The following KLF8 variants were observed in gnomAD, a reference collection of about 807,000 sequenced individuals.
KLF8 encodes the protein Krueppel-like factor 8.
A neutral mutation model predicts 18.2 loss-of-function variants in KLF8; 10 were observed. That is an observed-to-expected ratio of 0.55 (90% confidence interval 0.34 to 0.93). The LOEUF is 0.93. Ranked by LOEUF, KLF8 falls within the 40% of genes least tolerant of loss-of-function variation. The probability of loss-of-function intolerance (pLI) is 0.02; values close to 1 mark genes in which losing one functional copy is unlikely to be tolerated. For synonymous variants in KLF8, 109 were observed against 97.3 expected (o/e 1.12, Z -0.71); for missense variants, 264 against 277.9 (o/e 0.95, Z 0.36).
chrX:56,053,039 G>C, the KLF8 span, among the ~76,000 whole-genome samples: 31 of 111,710 alleles, frequency 2.8e-4, no homozygotes, highest in African/African-American at 8.5e-4. Context: ...TCCAGGTGCC[G>C]TCTGTCACCC....
At chrX:56,152,422 TA>T in the KLF8 span, among the ~76,000 whole-genome samples, 1 of 111,326 alleles carries the variant, frequency 9.0e-6, no homozygotes, top group African/African-American at 3.3e-5. Context: ...AAGGTGGTTT[TA>T]CCAGAAGATA....
the KLF8 span, among the ~76,000 whole-genome samples, chrX:56,212,531 T>TA: frequency 8.9e-6 from 1 of 112,025 alleles, no homozygotes; most frequent in Non-Finnish European, 1.9e-5. Context: ...AGGGCTGGTT[T>TA]AAATGCTCCT....
chrX:56,163,109 C>T, the KLF8 span, among the ~76,000 whole-genome samples: 1 of 111,895 alleles, frequency 8.9e-6, no homozygotes, highest in African/African-American at 3.3e-5. Context: ...GGTATGTGCC[C>T]AGTAATGGGA....
the KLF8 span, among the ~76,000 whole-genome samples, chrX:56,121,009 A>AC: frequency 9.1e-6 from 1 of 109,834 alleles, no homozygotes; most frequent in Non-Finnish European, 1.9e-5. Flanking sequence ...ACACAGTGAA[A>AC]CCCCGTCTCT....
chrX:56,053,118 G>A, the KLF8 span, among the ~76,000 whole-genome samples: 1 of 112,011 alleles, frequency 8.9e-6, no homozygotes, highest in Admixed American at 9.4e-5. Context: ...GCCTCGCCCT[G>A]CTTCGGCTTG....
the KLF8 span, among the ~76,000 whole-genome samples, chrX:56,058,940 A>G: frequency 8.9e-6 from 1 of 111,912 alleles, no homozygotes; most frequent in Non-Finnish European, 1.9e-5. Context: ...GTCTTCCACA[A>G]TGGTTGAACT....
the KLF8 span, among the ~76,000 whole-genome samples, chrX:56,011,393 G>A: frequency 8.9e-6 from 1 of 111,919 alleles, no homozygotes; most frequent in Non-Finnish European, 1.9e-5. Flanking sequence ...ATGAAATTAA[G>A]GTAGAAAAGA....
At chrX:56,225,886 T>C in the KLF8 span, among the ~76,000 whole-genome samples, 1 of 112,497 alleles carries the variant, frequency 8.9e-6, no homozygotes, top group African/African-American at 3.2e-5. Flanking sequence ...ACAGGCAGTG[T>C]GTTCAGAGTT....
At chrX:56,014,858 G>C in the KLF8 span, 1 of 93,644 alleles carries the variant, frequency 1.1e-5, no homozygotes, top group Admixed American at 1.2e-4. Context: ...TGTGGTTGGA[G>C]CTGGAAGCTG....
chrX:55,928,000 A>G, the KLF8 span, among the ~76,000 whole-genome samples: 10 of 112,125 alleles, frequency 8.9e-5, no homozygotes, highest in Non-Finnish European at 1.7e-4. Flanking sequence ...GAGTTTTCTC[A>G]ATATTTTCAT....
At chrX:56,114,616 C>T in the KLF8 span, among the ~76,000 whole-genome samples, 3 of 112,608 alleles carry the variant, frequency 2.7e-5, no homozygotes, top group African/African-American at 9.7e-5. Flanking sequence ...TGCATATGGA[C>T]ATAGACATAG....
At chrX:56,189,857 C>A in the KLF8 span, among the ~76,000 whole-genome samples, 1 of 69,057 alleles carries the variant, frequency 1.4e-5, no homozygotes. Context: ...ACATCACACT[C>A]TGGGGACTGT....
At chrX:56,077,367 C>G in the KLF8 span, among the ~76,000 whole-genome samples, 1 of 112,025 alleles carries the variant, frequency 8.9e-6, no homozygotes, top group East Asian at 2.8e-4. Context: ...TATGGCTAGC[C>G]GGTTTTCCCA....
the KLF8 span, among the ~76,000 whole-genome samples, chrX:56,158,109 G>T: frequency 1.8e-5 from 2 of 111,522 alleles, no homozygotes; most frequent in Admixed American, 1.9e-4. Context: ...TCTACATATG[G>T]CTAGCCAGTT....
At chrX:56,210,271 A>AT in the KLF8 span, among the ~76,000 whole-genome samples, 1 of 111,318 alleles carries the variant, frequency 9.0e-6, no homozygotes, top group Non-Finnish European at 1.9e-5. Context: ...GAAAGTATTT[A>AT]TTTTTTCTTC....
the KLF8 span, among the ~76,000 whole-genome samples, chrX:56,135,100 G>T: frequency 9.0e-6 from 1 of 111,659 alleles, no homozygotes; most frequent in Non-Finnish European, 1.9e-5. Flanking sequence ...TACACTGTTG[G>T]TGGGACTGGA....
At chrX:56,071,382 A>G in the KLF8 span, among the ~76,000 whole-genome samples, 1 of 111,823 alleles carries the variant, frequency 8.9e-6, no homozygotes, top group Admixed American at 9.5e-5. Context: ...GTGGCATAAG[A>G]AGATCACAGG....
At chrX:55,938,353 C>T in the KLF8 span, among the ~76,000 whole-genome samples, 1 of 111,231 alleles carries the variant, frequency 9.0e-6, no homozygotes, top group Middle Eastern at 4.6e-3. Flanking sequence ...CAGGCCTGCC[C>T]TAAAAGAGCT....
At chrX:56,181,325 C>T in the KLF8 span, among the ~76,000 whole-genome samples, 2 of 110,974 alleles carry the variant, frequency 1.8e-5, no homozygotes, top group Non-Finnish European at 3.8e-5. Flanking sequence ...GGTAGATCTT[C>T]CTCCATCCCT....
Sources: allele counts gnomAD v4.1 joint callset (sites outside exome capture counted in the v4.1 genomes callset), GRCh38; gene constraint gnomAD v4.1.1; transcripts MANE v1.5; gene names NCBI Gene and HGNC (gene_info 2026-07-23, HGNC 2026-07-21).